Variants in VPS13B observed in about 807,000 individuals in gnomAD.
VPS13B encodes the protein intermembrane lipid transfer protein VPS13B.
In VPS13B, 285 loss-of-function variants were observed where a neutral mutation model predicts 426.4. The ratio of observed to expected loss-of-function variants is 0.67; its 90% CI spans 0.61 to 0.74. VPS13B has a LOEUF of 0.74. Among genes scored for constraint, VPS13B ranks in the 30% least tolerant of loss-of-function variants. The probability of loss-of-function intolerance (pLI) is 0.00; values close to 1 mark genes in which losing one functional copy is unlikely to be tolerated. For synonymous variants in VPS13B, 1,676 were observed against 1,676.4 expected (o/e 1.00, Z 0.01); for missense variants, 4,537 against 4,782.6 (o/e 0.95, Z 1.51).
intron 54 of VPS13B, among the ~76,000 whole-genome samples, chr8:99,841,274 T>C (rs1247583584): frequency 6.6e-6 from 1 of 152,174 alleles, no homozygotes; most frequent in East Asian, 1.9e-4. Context: ...CTCCCAGAAA[T>C]TGATCTCCGG....
At chr8:99,175,251 CA>C (rs1299204402) in intron 16 of VPS13B, among the ~76,000 whole-genome samples, 1 of 152,168 alleles carries the variant, frequency 6.6e-6, no homozygotes, top group Non-Finnish European at 1.5e-5. Context: ...AGTATTTTAA[CA>C]TGTACAGCTT....
At chr8:99,733,263 A>C (rs1344668722) in intron 39 of VPS13B, among the ~76,000 whole-genome samples, 1 of 152,212 alleles carries the variant, frequency 6.6e-6, no homozygotes, top group Non-Finnish European at 1.5e-5. Flanking sequence ...CAGCAAACAG[A>C]AGGAAAGAGG....
intron 16 of VPS13B, among the ~76,000 whole-genome samples, chr8:99,172,206 T>C (rs931389721): frequency 3.3e-5 from 5 of 152,202 alleles, no homozygotes; most frequent in Admixed American, 6.5e-5. Context: ...AAATTCACTT[T>C]GTCCTATAAT....
chr8:99,741,699 G>C (rs1238514003), intron 39 of VPS13B, among the ~76,000 whole-genome samples: 4 of 151,910 alleles, frequency 2.6e-5, no homozygotes, highest in East Asian at 1.9e-4. Flanking sequence ...TACATGGAAA[G>C]TGAACAACCT....
intron 54 of VPS13B, among the ~76,000 whole-genome samples, chr8:99,842,501 A>T (rs929605879): frequency 3.3e-5 from 5 of 151,946 alleles, no homozygotes; most frequent in African/African-American, 1.2e-4. Context: ...TCTATTCCCA[A>T]CTACTCAGGA....
intron 16 of VPS13B, among the ~76,000 whole-genome samples, chr8:99,188,895 G>A (rs577425978): frequency 1.3e-5 from 2 of 152,168 alleles, no homozygotes; most frequent in Non-Finnish European, 2.9e-5. Flanking sequence ...CAGGTCCTAT[G>A]TTCACTTTAA....
chr8:99,315,101 A>T lies in VPS13B; in HGVS notation c.2824+39847A>T, dbSNP rs35189425. Among the ~76,000 whole-genome samples, 404 of 152,218 alleles carry T rather than the reference A, an allele frequency of 2.7e-3. 3 individuals carry two copies. The highest frequency in any genetic ancestry group is 4.4e-3 in the Non-Finnish European group (298 of 68,008). On this transcript the variant is annotated intron_variant, in intron 19 of 61. Transcript: ENST00000357162. ...CCATATTTTTTAAGTGACTGTTTAC[A>T]TTCAAGGTTTTTAAAAATTTATTTT...
At chr8:99,493,780 T>TAAAAAAAAA (rs376555643) in intron 25 of VPS13B, among the ~76,000 whole-genome samples, 1 of 61,160 alleles carries the variant, frequency 1.6e-5, no homozygotes, top group African/African-American at 6.4e-5. Flanking sequence ...AGACTCTATC[T>TAAAAAAAAA]AAAAAAAAAA....
At chr8:99,698,310 C>G (rs1446342614) in intron 35 of VPS13B, among the ~76,000 whole-genome samples, 25 of 152,146 alleles carry the variant, frequency 1.6e-4, no homozygotes, top group Admixed American at 1.6e-3. Flanking sequence ...GGAAGGTGCC[C>G]CCTTGTGTGT....
chr8:99,061,433 G>A (rs1186074359), intron 3 of VPS13B, among the ~76,000 whole-genome samples: 1 of 151,436 alleles, frequency 6.6e-6, no homozygotes, highest in Non-Finnish European at 1.5e-5. Context: ...GATTATAGTG[G>A]GGTCTTACTA....
chr8:99,406,183 C>T (rs1159348080), intron 21 of VPS13B, among the ~76,000 whole-genome samples: 1 of 151,990 alleles, frequency 6.6e-6, no homozygotes, highest in Non-Finnish European at 1.5e-5. Flanking sequence ...CTTTAACACC[C>T]CTTTCTATCC....
At chr8:99,016,809 C>G (rs536502333) in intron 2 of VPS13B, among the ~76,000 whole-genome samples, 1 of 152,056 alleles carries the variant, frequency 6.6e-6, no homozygotes, top group African/African-American at 2.4e-5. Context: ...CCAGGATGGT[C>G]TCGATTCCCT....
At chr8:99,301,984 A>T (rs1588226111) in intron 19 of VPS13B, among the ~76,000 whole-genome samples, 1 of 152,006 alleles carries the variant, frequency 6.6e-6, no homozygotes, top group Non-Finnish European at 1.5e-5. Flanking sequence ...ACTTTAACTA[A>T]TTTTTTTCAC....
At chr8:99,683,501 CTATT>C (rs1831242973) in intron 35 of VPS13B, among the ~76,000 whole-genome samples, 2 of 152,076 alleles carry the variant, frequency 1.3e-5, no homozygotes, top group East Asian at 3.9e-4. Context: ...GTATGTCTCT[CTATT>C]TATGTTGGTC....
At chr8:99,801,989 A>C (rs1276927857) in intron 43 of VPS13B, among the ~76,000 whole-genome samples, 1 of 152,070 alleles carries the variant, frequency 6.6e-6, no homozygotes, top group Non-Finnish European at 1.5e-5. Context: ...ATCTCTACAA[A>C]AGATACAAAA....
intron 25 of VPS13B, among the ~76,000 whole-genome samples, chr8:99,483,902 G>A (rs1820170536): frequency 6.6e-6 from 1 of 152,046 alleles, no homozygotes; most frequent in African/African-American, 2.4e-5. Flanking sequence ...CTAGCATTGT[G>A]CAGTGTACAA....
At chr8:99,454,178 A>G (rs572430525) in intron 23 of VPS13B, among the ~76,000 whole-genome samples, 2 of 152,170 alleles carry the variant, frequency 1.3e-5, no homozygotes, top group Non-Finnish European at 1.5e-5. Flanking sequence ...ATGTCTTTCC[A>G]TGGCTTGATA....
intron 23 of VPS13B, among the ~76,000 whole-genome samples, chr8:99,463,951 T>C (rs529107437): frequency 1.3e-5 from 2 of 152,290 alleles, no homozygotes; most frequent in Middle Eastern, 3.4e-3. Context: ...CACTTCGGCC[T>C]CCCAAAGTGT....
In VPS13B at chr8:99,744,811, G is replaced by A. The variant is rs558281176; in HGVS notation, c.7051-21963G>A. On this transcript the variant is annotated intron_variant, in intron 39 of 61. Transcript: ENST00000357162. ...CAGGAAGGGGAACATCACACACCGG[G>A]GCCTGTTGTGGGGTGGGGGGAAGGG... 1.4e-3 allele frequency among the ~76,000 whole-genome samples: 212 copies of A among 151,712 alleles called. 1 individual carries two copies. The highest frequency in any genetic ancestry group is 2.5e-3 in the Non-Finnish European group (168 of 67,898).
Sources: allele counts gnomAD v4.1 joint callset (sites outside exome capture counted in the v4.1 genomes callset), GRCh38; gene constraint gnomAD v4.1.1; transcripts MANE v1.5; gene names NCBI Gene and HGNC (gene_info 2026-07-23, HGNC 2026-07-21).